Variants in HS3ST4 observed in about 807,000 individuals in gnomAD.
HS3ST4 encodes the protein heparan sulfate-glucosamine 3-sulfotransferase 4.
Under a neutral mutation model 29.2 loss-of-function variants are expected in HS3ST4, and 17 were observed. That is an observed-to-expected ratio of 0.58 (90% CI 0.40 to 0.87). The LOEUF (loss-of-function observed/expected upper bound fraction) is 0.87, where lower values mean the gene tolerates loss of function less well. HS3ST4 is among the 40% of genes least tolerant of loss of function. HS3ST4 has a pLI of 0.00. For missense variants in HS3ST4, 627 were observed against 634.5 expected (o/e 0.99, Z 0.13); for synonymous variants, 314 against 285.7 (o/e 1.10, Z -1.00).
At chr16:25,981,336 TAA>T (rs1213016567) in intron 1 of HS3ST4, among the ~76,000 whole-genome samples, 3 of 144,382 alleles carry the variant, frequency 2.1e-5, no homozygotes, top group African/African-American at 5.0e-5. Context: ...AAACTCCGTC[TAA>T]AAAAAAAAAA....
chr16:25,997,520 G>A (rs902384709), intron 1 of HS3ST4, among the ~76,000 whole-genome samples: 20 of 152,144 alleles, frequency 1.3e-4, no homozygotes, highest in African/African-American at 4.1e-4. Flanking sequence ...TCATTCAATG[G>A]CATCAACAAC....
intron 1 of HS3ST4, among the ~76,000 whole-genome samples, chr16:26,051,718 T>C (rs995731477): frequency 1.3e-5 from 2 of 150,308 alleles, no homozygotes; most frequent in African/African-American, 4.9e-5. Context: ...TTCTCTAATC[T>C]CTTTTATTGC....
chr16:25,861,647 A>C (rs1394962386), intron 1 of HS3ST4, among the ~76,000 whole-genome samples: 1 of 152,132 alleles, frequency 6.6e-6, no homozygotes, highest in Non-Finnish European at 1.5e-5. Flanking sequence ...GAGCATCCCC[A>C]ATCTCCCCTT....
chr16:26,127,980 C>T (rs767539225), intron 1 of HS3ST4, among the ~76,000 whole-genome samples: 2 of 152,084 alleles, frequency 1.3e-5, no homozygotes, highest in South Asian at 2.1e-4. Context: ...TCTTCCAAGC[C>T]GAGCTCCTCT....
chr16:25,719,492 G>A (rs564038090), intron 1 of HS3ST4, among the ~76,000 whole-genome samples: 1 of 152,298 alleles, frequency 6.6e-6, no homozygotes, highest in African/African-American at 2.4e-5. Context: ...ATTTCACTTC[G>A]CAAGAAATCC....
At position 26,113,370 on chromosome 16, in the gene HS3ST4, C is replaced by CGG. The variant is rs550685676; in HGVS notation, c.735-22237_735-22236dup. Among the ~76,000 whole-genome samples, 83 of 150,198 alleles carry CGG rather than the reference C, an allele frequency of 5.5e-4. No individual in the cohort carries two copies. In the South Asian group the frequency reaches 0.017, roughly 31 times the overall value. On this transcript the variant is annotated intron_variant, in intron 1 of 1. Transcript: ENST00000331351. Reference sequence around the variant, plus strand: ...CTGAGGCAAGAGAATCGCTTGAAACCGGGGGGTAGAGGTTGCAGTGAGCCG... The same window carrying CGG: ...CTGAGGCAAGAGAATCGCTTGAAACCGGGGGGGGTAGAGGTTGCAGTGAGCCG...
At chr16:26,092,764 G>A (rs754861777) in intron 1 of HS3ST4, among the ~76,000 whole-genome samples, 3 of 152,058 alleles carry the variant, frequency 2.0e-5, no homozygotes, top group Admixed American at 6.6e-5. Context: ...GCCCACGGAG[G>A]GTGAGCTGAA....
At chr16:25,873,704 C>T (rs149339088) in intron 1 of HS3ST4, among the ~76,000 whole-genome samples, 46,857 of 150,384 alleles carry the variant, frequency 0.31, 7,699 homozygotes, top group East Asian at 0.52. Context: ...ATCCATCCAT[C>T]CATCTGTCCA....
chr16:25,874,100 C>G (rs993144563), intron 1 of HS3ST4, among the ~76,000 whole-genome samples: 1 of 152,048 alleles, frequency 6.6e-6, no homozygotes, highest in Admixed American at 6.6e-5. Context: ...TCTGCTTTAC[C>G]AGTATTTCTT....
rs141705244 is a variant in HS3ST4, at chr16:26,032,735, G to A, written c.735-102877G>A. ...AGGAGCAGGTTTAGCAGACAACCTC[G>A]CGGATCTTCTCTGTGGTTCGTCCTT... On this transcript the variant is annotated intron_variant, in intron 1 of 1. Coordinates refer to ENST00000331351, the MANE Select transcript of HS3ST4 (RefSeq NM_006040.3). 1,008 of 1,087,582 alleles carry A rather than the reference G, an allele frequency of 9.3e-4. 8 individuals are homozygous for A. The African/African-American group carries it at 0.014, about 15-fold the overall frequency. The allele number at this position is 1,087,582 out of a possible 1,614,324, so 67.4% of individuals were successfully genotyped here. A position where few individuals can be genotyped will look rare whatever the true frequency, so the allele number is the denominator to read the frequency against.
chr16:25,833,238 C>T (rs1012204465), intron 1 of HS3ST4, among the ~76,000 whole-genome samples: 3 of 151,966 alleles, frequency 2.0e-5, no homozygotes, highest in South Asian at 2.1e-4. Context: ...GTTAGGATTC[C>T]GTTTTTTTAT....
intron 1 of HS3ST4, among the ~76,000 whole-genome samples, chr16:25,866,129 C>T (rs1451276941): frequency 2.0e-5 from 3 of 152,162 alleles, no homozygotes; most frequent in African/African-American, 7.2e-5. Flanking sequence ...TCCTTAACTA[C>T]CTCTTATAGG....
intron 1 of HS3ST4, among the ~76,000 whole-genome samples, chr16:25,745,181 G>A (rs1966678205): frequency 6.6e-6 from 1 of 152,064 alleles, no homozygotes; most frequent in South Asian, 2.1e-4. Flanking sequence ...TACATACCCA[G>A]ATAAAAATAA....
At chr16:26,019,417 C>T (rs1024527632) in intron 1 of HS3ST4, among the ~76,000 whole-genome samples, 7 of 152,090 alleles carry the variant, frequency 4.6e-5, no homozygotes, top group African/African-American at 7.2e-5. Context: ...TTTTTACATC[C>T]GTAATTGAAT....
At chr16:25,995,282 C>T (rs1002293605) in intron 1 of HS3ST4, among the ~76,000 whole-genome samples, 2 of 152,120 alleles carry the variant, frequency 1.3e-5, no homozygotes, top group African/African-American at 4.8e-5. Context: ...ATGTATTGGT[C>T]CATATATCTG....
At chr16:25,757,175 A>G (rs761310350) in intron 1 of HS3ST4, among the ~76,000 whole-genome samples, 1 of 152,200 alleles carries the variant, frequency 6.6e-6, no homozygotes, top group African/African-American at 2.4e-5. Flanking sequence ...GATTTTTGCC[A>G]TGGTTCAGCC....
chr16:25,733,727 A>G (rs1966587773), intron 1 of HS3ST4, among the ~76,000 whole-genome samples: 3 of 152,128 alleles, frequency 2.0e-5, no homozygotes, highest in African/African-American at 4.8e-5. Context: ...CTGGATCTCA[A>G]CTTTCCTGTC....
intron 1 of HS3ST4, among the ~76,000 whole-genome samples, chr16:25,855,532 A>G (rs1235982403): frequency 6.6e-6 from 1 of 152,172 alleles, no homozygotes; most frequent in Non-Finnish European, 1.5e-5. Context: ...GCTATACCAG[A>G]GTCAGATTGG....
At chr16:26,054,271 A>C (rs539112080) in intron 1 of HS3ST4, among the ~76,000 whole-genome samples, 1 of 124,216 alleles carries the variant, frequency 8.1e-6, no homozygotes, top group East Asian at 2.1e-4. Context: ...AGAGAGAGGG[A>C]GAGAGAGAGA....
Sources: gnomAD v4.1 joint callset for allele counts (sites outside exome capture counted in the v4.1 genomes callset) on GRCh38, gnomAD v4.1.1 for gene constraint, MANE v1.5 for transcripts, NCBI Gene and HGNC (gene_info 2026-07-23, HGNC 2026-07-21) for gene names.